The following LASP1 variants were observed in gnomAD, a reference collection of about 807,000 sequenced individuals.
LASP1 encodes the protein LIM and SH3 domain protein 1.
LASP1 carries 10 observed loss-of-function variants against 38.6 expected under a neutral mutation model. That is an observed-to-expected ratio of 0.26 (90% CI 0.16 to 0.44). LASP1 has a LOEUF of 0.44. Among genes scored for constraint, LASP1 ranks in the 20% least tolerant of loss-of-function variants. The pLI is 1.00. For missense variants in LASP1, 243 were observed against 375.7 expected (o/e 0.65, Z 2.92); for synonymous variants, 132 against 140.8 (o/e 0.94, Z 0.44).
intron 2 of LASP1, among the ~76,000 whole-genome samples, chr17:38,886,929 C>T (rs1205049388): frequency 6.6e-6 from 1 of 152,154 alleles, no homozygotes; most frequent in Non-Finnish European, 1.5e-5. Context: ...AAAACAGGCT[C>T]TCGCTCTGTA....
intron 3 of LASP1, among the ~76,000 whole-genome samples, chr17:38,897,304 G>A (rs886361371): frequency 4.6e-5 from 7 of 152,226 alleles, no homozygotes; most frequent in African/African-American, 7.2e-5. Flanking sequence ...ATGCGCAGTC[G>A]CTCCAGTCCA....
intron 1 of LASP1, among the ~76,000 whole-genome samples, chr17:38,871,479 G>A (rs1344775908): frequency 6.6e-6 from 1 of 152,054 alleles, no homozygotes; most frequent in Non-Finnish European, 1.5e-5. Context: ...GGGAGGGCTG[G>A]GAGGACTGGA....
rs755457528 is a variant in LASP1, at chr17:38,914,412, G to A, written c.445G>A (p.Gly149Ser). ...MEPERRDSQD[G>S]SSYRRPLEQQ... is the part of the protein sequence containing the mutation. ...GCCAGAGCGTCGGGATTCACAGGAC[G>A]GCAGCAGCTACCGGCGGCCCCTGGA... The change falls in exon 5 of 7, where the codon GGC becomes AGC. Residue 149 changes from glycine to serine, a missense_variant. Physicochemically the swap from Gly to Ser is moderately conservative, Grantham distance 56 (BLOSUM62 0). Coordinates refer to ENST00000318008, the MANE Select transcript of LASP1 (RefSeq NM_006148.4). 21 of 1,611,678 alleles carry A rather than the reference G, an allele frequency of 1.3e-5. No homozygotes were observed. The highest frequency in any genetic ancestry group is 1.8e-5 in the Non-Finnish European group (21 of 1,179,942).
intron 4 of LASP1, among the ~76,000 whole-genome samples, chr17:38,901,793 C>G (rs1247435880): frequency 6.6e-6 from 1 of 151,960 alleles, no homozygotes; most frequent in Non-Finnish European, 1.5e-5. Context: ...TGAGACGGAG[C>G]CTTGGTTTAT....
At chr17:38,886,148 C>G (rs1354815292) in intron 2 of LASP1, among the ~76,000 whole-genome samples, 5 of 152,016 alleles carry the variant, frequency 3.3e-5, no homozygotes, top group Non-Finnish European at 5.9e-5. Context: ...CTCTCTCTCT[C>G]TGTCTCGCTC....
intron 4 of LASP1, among the ~76,000 whole-genome samples, chr17:38,902,283 A>C: frequency 7.1e-6 from 1 of 141,056 alleles, no homozygotes; most frequent in African/African-American, 2.7e-5. Context: ...CTGGTCTCAA[A>C]CTCCTGGATT....
intron 4 of LASP1, among the ~76,000 whole-genome samples, chr17:38,909,373 C>T (rs1598119470): frequency 6.6e-6 from 1 of 151,954 alleles, no homozygotes; most frequent in South Asian, 2.1e-4. Flanking sequence ...TTTGGGAGGC[C>T]GAGGTGGGCA....
At chr17:38,879,093 G>A (rs1248099559) in intron 2 of LASP1, among the ~76,000 whole-genome samples, 1 of 151,820 alleles carries the variant, frequency 6.6e-6, no homozygotes, top group Non-Finnish European at 1.5e-5. Context: ...CCTGCGAGGT[G>A]GAGGCTTTGG....
At chr17:38,896,549 C>G (rs891868952) in intron 3 of LASP1, among the ~76,000 whole-genome samples, 1 of 152,202 alleles carries the variant, frequency 6.6e-6, no homozygotes, top group African/African-American at 2.4e-5. Flanking sequence ...GCGATTATTC[C>G]CCTGGATTAG....
At chr17:38,873,831 G>T (rs1289040063) in intron 1 of LASP1, 1 of 152,222 alleles carries the variant, frequency 6.6e-6, no homozygotes, top group Non-Finnish European at 1.5e-5. Context: ...GGAAGAGATG[G>T]TCTCATAATC....
chr17:38,870,111 G>T lies in LASP1; in HGVS notation c.-79G>T. 7.8e-6 allele frequency: 12 copies of T among 1,538,194 alleles called. No homozygotes were observed. The highest frequency in any genetic ancestry group is 1.7e-4 in the Middle Eastern group (1 of 5,908). On this transcript the variant is annotated 5_prime_UTR_variant, in exon 1 of 7. Transcript: ENST00000318008. ...CTGCTGCCTGTGTAGTTGCAGCCGCGGCCGCCTCCCGCCAGCTCGCCTCGG... is the reference window on the plus strand; with the variant it reads ...CTGCTGCCTGTGTAGTTGCAGCCGCTGCCGCCTCCCGCCAGCTCGCCTCGG...
chr17:38,881,860 A>G (rs1401141999), intron 2 of LASP1, among the ~76,000 whole-genome samples: 1 of 152,220 alleles, frequency 6.6e-6, no homozygotes, highest in African/African-American at 2.4e-5. Flanking sequence ...GAAGAAAGCT[A>G]TCTTTCCCTG....
intron 2 of LASP1, among the ~76,000 whole-genome samples, chr17:38,884,059 T>G (rs1012017958): frequency 6.6e-6 from 1 of 151,584 alleles, no homozygotes; most frequent in Non-Finnish European, 1.5e-5. Context: ...CAAAAGCTCC[T>G]TGTTGCTTTT....
intron 4 of LASP1, among the ~76,000 whole-genome samples, chr17:38,902,805 C>T (rs1321586603): frequency 2.6e-5 from 4 of 152,030 alleles, no homozygotes; most frequent in African/African-American, 4.8e-5. Flanking sequence ...CGGGTTGAAG[C>T]GATTCTTCTG....
intron 2 of LASP1, among the ~76,000 whole-genome samples, chr17:38,887,604 G>A (rs958233467): frequency 6.6e-6 from 1 of 152,162 alleles, no homozygotes; most frequent in African/African-American, 2.4e-5. Flanking sequence ...CTGCGAGTCT[G>A]GGCTGACCTG....
intron 4 of LASP1, among the ~76,000 whole-genome samples, chr17:38,911,787 C>CTT (rs35715232): frequency 2.2e-4 from 33 of 149,862 alleles, no homozygotes; most frequent in East Asian, 3.9e-4. Context: ...TATGACTTGT[C>CTT]TTTTTTTTTT....
At chr17:38,883,160 G>A (rs1362029654) in intron 2 of LASP1, among the ~76,000 whole-genome samples, 1 of 152,138 alleles carries the variant, frequency 6.6e-6, no homozygotes, top group Admixed American at 6.6e-5. Flanking sequence ...CACTTTGGGA[G>A]ACTGAGGAGG....
chr17:38,908,162 C>T (rs952382045), intron 4 of LASP1, among the ~76,000 whole-genome samples: 2 of 152,238 alleles, frequency 1.3e-5, no homozygotes, highest in South Asian at 2.1e-4. Context: ...ACATCAAGGA[C>T]ACCTGTCCCT....
chr17:38,914,357 C>T lies in LASP1; in HGVS notation c.390C>T (p.Arg130=). The T allele has an allele frequency of 6.2e-7, 1 of 1,611,894 alleles. No individual in the cohort carries two copies. Among genetic ancestry groups the T allele is most frequent in the African/African-American group, 1.3e-5 (1 of 74,988 alleles). Residue 130 remains arginine (R), a synonymous_variant, in exon 5 of 7, where the codon CGC becomes CGT. Coordinates refer to ENST00000318008, the MANE Select transcript of LASP1 (RefSeq NM_006148.4). ...IKYHEEFEKS[R]MGPSGGEGME... The stretch of plus-strand genomic sequence containing the variant: ...ACCATGAGGAGTTTGAGAAGAGCCG[C>T]ATGGGCCCTAGCGGGGGCGAGGGCA...
Sources: gnomAD v4.1 joint callset for allele counts (sites outside exome capture counted in the v4.1 genomes callset) on GRCh38, gnomAD v4.1.1 for gene constraint, MANE v1.5 for transcripts, NCBI Gene and HGNC (gene_info 2026-07-23, HGNC 2026-07-21) for gene names.